PIAS2: variants seen among roughly 807,000 people sequenced by gnomAD.
PIAS2 encodes the protein protein inhibitor of activated STAT 2.
PIAS2 carries 19 observed loss-of-function variants against 69.7 expected under a neutral mutation model. That is an observed-to-expected ratio of 0.27 (90% CI 0.19 to 0.40). PIAS2 has a LOEUF of 0.40. Among genes scored for constraint, PIAS2 ranks in the 10% least tolerant of loss-of-function variants. The pLI is 1.00. For missense variants in PIAS2, 624 were observed against 757.0 expected, an observed-to-expected ratio of 0.82 and a Z score of 2.06; for synonymous variants, 261 against 263.2, an observed-to-expected ratio of 0.99 and a Z score of 0.08.
In PIAS2 at chr18:46,829,726, A is replaced by G. The variant is rs1347079835; in HGVS notation, c.1336+8T>C. On this transcript the variant is annotated splice_region_variant and intron_variant, in intron 10 of 13. Transcript: ENST00000585916. ...CTGCTTTACTCTCTGCTGCTATTCT[A>G]CACATACTTTCTATTTTTGTACACG... 6.2e-7 allele frequency: 1 copy of G among 1,611,356 alleles called. No homozygotes were observed. Among genetic ancestry groups the G allele is most frequent in the Non-Finnish European group, 8.5e-7 (1 of 1,178,598 alleles).
chr18:46,911,690 G>A (rs770805995), intron 1 of PIAS2, among the ~76,000 whole-genome samples: 1 of 152,174 alleles, frequency 6.6e-6, no homozygotes, highest in African/African-American at 2.4e-5. Context: ...GAAAACTTTA[G>A]AAGAGTTATA....
intron 12 of PIAS2, chr18:46,818,497 A>G (rs1229767412): frequency 6.8e-7 from 1 of 1,478,350 alleles, no homozygotes; most frequent in South Asian, 1.5e-5. Flanking sequence ...GAATGTTAAG[A>G]AATGTATTAA....
intron 1 of PIAS2, among the ~76,000 whole-genome samples, chr18:46,913,206 C>G (rs2057449683): frequency 6.6e-6 from 1 of 152,128 alleles, no homozygotes; most frequent in South Asian, 2.1e-4. Context: ...ACTTCCCATT[C>G]TCCTGCTGCA....
chr18:46,861,910 C>T (rs993382089), intron 3 of PIAS2, among the ~76,000 whole-genome samples: 6 of 151,706 alleles, frequency 4.0e-5, no homozygotes, highest in Admixed American at 2.6e-4. Flanking sequence ...TAGTACTGTA[C>T]CAATGTTGAT....
chr18:46,842,614 AC>A (rs749496601), intron 8 of PIAS2, among the ~76,000 whole-genome samples: 4 of 152,216 alleles, frequency 2.6e-5, no homozygotes, highest in Non-Finnish European at 5.9e-5. Flanking sequence ...TTTTTAACCA[AC>A]AAAAAGGCAA....
chr18:46,846,059 T>A (rs2046125435), intron 6 of PIAS2, among the ~76,000 whole-genome samples: 1 of 152,206 alleles, frequency 6.6e-6, no homozygotes, highest in South Asian at 2.1e-4. Flanking sequence ...GGTCAGAAAT[T>A]AACTGAAATC....
intron 5 of PIAS2, among the ~76,000 whole-genome samples, chr18:46,849,012 T>C (rs907470669): frequency 2.6e-5 from 4 of 152,192 alleles, no homozygotes; most frequent in Admixed American, 1.3e-4. Flanking sequence ...GATAATTCTG[T>C]CTGCTGGTAT....
chr18:46,830,429 A>T (rs2043439867), intron 9 of PIAS2, among the ~76,000 whole-genome samples: 1 of 152,092 alleles, frequency 6.6e-6, no homozygotes, highest in Non-Finnish European at 1.5e-5. Context: ...AAGATTTTAA[A>T]CTGAATGAAA....
chr18:46,890,487 A>C, intron 2 of PIAS2, 93 bp downstream of exon 2: 1 of 791,980 alleles, frequency 1.3e-6, no homozygotes, highest in Non-Finnish European at 2.0e-6. Context: ...CCTCAATTTC[A>C]CTATATTAAC....
At chr18:46,917,237 G>C (rs1173443482) in intron 1 of PIAS2, 85 bp downstream of exon 1, 10 of 1,408,032 alleles carry the variant, frequency 7.1e-6, no homozygotes, top group Admixed American at 2.6e-5. Context: ...AGAGGCACGA[G>C]CAGGCGGCGG....
At chr18:46,868,518 T>C (rs1431865916) in intron 2 of PIAS2, among the ~76,000 whole-genome samples, 4 of 152,164 alleles carry the variant, frequency 2.6e-5, no homozygotes, top group Non-Finnish European at 5.9e-5. Flanking sequence ...TTAGCCATAT[T>C]CAATTTTAAA....
intron 2 of PIAS2, among the ~76,000 whole-genome samples, chr18:46,878,569 C>T (rs1213784503): frequency 2.0e-5 from 3 of 152,188 alleles, no homozygotes; most frequent in African/African-American, 7.2e-5. Flanking sequence ...GTTTATATTT[C>T]AGTAAAAATG....
chr18:46,863,758 A>C (rs1027990519), intron 3 of PIAS2, among the ~76,000 whole-genome samples: 2 of 152,248 alleles, frequency 1.3e-5, no homozygotes, highest in East Asian at 1.9e-4. Flanking sequence ...TGAGAGAAAC[A>C]GGTCAACTGT....
chr18:46,908,508 T>G (rs781773286), intron 1 of PIAS2, among the ~76,000 whole-genome samples: 37 of 149,210 alleles, frequency 2.5e-4, no homozygotes, highest in Admixed American at 8.0e-4. Context: ...CAAAATCAAC[T>G]CCAGGTGGAT....
chr18:46,823,174 A>G (rs1599367564), intron 11 of PIAS2, among the ~76,000 whole-genome samples: 1 of 151,834 alleles, frequency 6.6e-6, no homozygotes, highest in African/African-American at 2.4e-5. Flanking sequence ...TAGAGGCTGC[A>G]GTGAGCCATG....
chr18:46,890,816 C>A lies in PIAS2; in HGVS notation c.263G>T (p.Gly88Val). Residue 88 changes from glycine (G) to valine (V), a missense_variant, in exon 2 of 14, where the codon GGC becomes GTC. By Grantham distance (109) the Gly-to-Val change is moderately radical. Transcript: ENST00000585916. ...IKSSVFSLDG[G>V]SSPVEPDLAV... The stretch of plus-strand genomic sequence containing the variant: ...CAAGTCAGGTTCTACAGGTGATGAG[C>A]CACCATCCAAACTGAAAACCGATGA... The A allele has an allele frequency of 6.2e-7, 1 of 1,614,132 alleles. No individual in the cohort carries two copies. The highest frequency in any genetic ancestry group is 8.5e-7 in the Non-Finnish European group (1 of 1,180,012).
chr18:46,815,298 T>C lies in PIAS2; in HGVS notation c.1686+14A>G, dbSNP rs372979397. 3 of 1,608,206 alleles carry C rather than the reference T, an allele frequency of 1.9e-6. No individual in the cohort carries two copies. In the African/African-American group the frequency reaches 4.0e-5, roughly 21 times the overall value. On this transcript the variant is annotated intron_variant, in intron 13 of 13. Transcript: ENST00000585916. ...ATCAAATACAAATTAGTTGCTTAAA[T>C]TCAGGATACATACCTGGGGATCAAC...
At chr18:46,825,255 G>A (rs2144877989) in intron 11 of PIAS2, among the ~76,000 whole-genome samples, 2 of 152,280 alleles carry the variant, frequency 1.3e-5, no homozygotes, top group Middle Eastern at 6.8e-3. Context: ...TCACAGAGAT[G>A]ATATAACTAT....
intron 2 of PIAS2, among the ~76,000 whole-genome samples, chr18:46,888,285 G>T (rs1241627423): frequency 1.3e-5 from 2 of 151,640 alleles, no homozygotes; most frequent in Non-Finnish European, 2.9e-5. Flanking sequence ...TGTGGGAAAA[G>T]AAAGACTTAA....
Sources: gnomAD v4.1 joint callset for allele counts (sites outside exome capture counted in the v4.1 genomes callset) on GRCh38, gnomAD v4.1.1 for gene constraint, MANE v1.5 for transcripts, NCBI Gene and HGNC (gene_info 2026-07-23, HGNC 2026-07-21) for gene names.